TSPEAR: variants seen among roughly 807,000 people sequenced by gnomAD.
The protein encoded by TSPEAR is thrombospondin type laminin G domain and EAR repeats.
Under a neutral mutation model 71.6 loss-of-function variants are expected in TSPEAR, and 69 were observed. That is an observed-to-expected ratio of 0.96 (90% CI 0.79 to 1.18). The LOEUF (loss-of-function observed/expected upper bound fraction) is 1.18. TSPEAR is among the 50% of genes most tolerant of loss of function. The pLI is 0.00. For missense variants in TSPEAR, 971 were observed against 894.9 expected (o/e 1.09, Z -1.09); for synonymous variants, 402 against 387.2 (o/e 1.04, Z -0.45).
At position 44,551,632 on chromosome 21, in the gene TSPEAR, T is replaced by A. The variant is rs1569181795; in HGVS notation, c.303+16153A>T. 3 of 921,342 alleles carry A rather than the reference T, an allele frequency of 3.3e-6. No individual in the cohort carries two copies. The Admixed American group carries it at 8.5e-5, about 26-fold the overall frequency. The allele number at this position is 921,342 out of a possible 1,614,324, so 57.1% of individuals were successfully genotyped here. A position where few individuals can be genotyped will look rare whatever the true frequency, so the allele number is the denominator to read the frequency against. ...CGCCCTCCACTTCCGTGTTGGTGTT[T>A]GGAGCCGGGAGGACCCTCATTATTT... On this transcript the variant is annotated intron_variant, in intron 2 of 11. Coordinates refer to ENST00000323084, the MANE Select transcript of TSPEAR (RefSeq NM_144991.3).
chr21:44,540,518 C>T (rs1217673531), intron 2 of TSPEAR, among the ~76,000 whole-genome samples: 1 of 152,128 alleles, frequency 6.6e-6, no homozygotes, highest in East Asian at 1.9e-4. Context: ...CAGGGGTGGC[C>T]CTTCAGCCTT....
rs782815911 is a variant in TSPEAR, at chr21:44,612,772, T to C, written c.83-44767A>G. On this transcript the variant is annotated intron_variant, in intron 1 of 11. Transcript: ENST00000323084. This position sits in a 1 kb window ranked among gnomAD's most constrained non-coding sequence, Gnocchi z 4.1. The stretch of plus-strand genomic sequence containing the variant: ...TGTGCCGGCCTGCCTGCTGTGTGCC[T>C]GTCCCCTCCTGTTGTGTCCCTGCCT... The C allele has an allele frequency of 3.1e-6, 5 of 1,613,076 alleles. No individual in the cohort carries two copies. The highest frequency in any genetic ancestry group is 1.3e-5 in the African/African-American group (1 of 74,680).
At chr21:44,672,548 C>T (rs782208011) in intron 1 of TSPEAR, among the ~76,000 whole-genome samples, 3 of 150,082 alleles carry the variant, frequency 2.0e-5, no homozygotes, top group Admixed American at 6.7e-5. Context: ...GCAGGCTGGG[C>T]GATAGAGCAA....
intron 1 of TSPEAR, chr21:44,591,981 A>C: frequency 6.6e-7 from 1 of 1,516,292 alleles, no homozygotes. Context: ...ACGAAGAGGA[A>C]ATCCCAGAGC....
intron 8 of TSPEAR, among the ~76,000 whole-genome samples, chr21:44,524,935 G>A (rs1372527955): frequency 6.7e-6 from 1 of 149,836 alleles, no homozygotes; most frequent in Non-Finnish European, 1.5e-5. Flanking sequence ...AGTCATTCAG[G>A]TAGTCAGTCA....
At chr21:44,624,614 G>A (rs587690321) in intron 1 of TSPEAR, among the ~76,000 whole-genome samples, 12 of 152,222 alleles carry the variant, frequency 7.9e-5, no homozygotes, top group South Asian at 2.1e-4. Flanking sequence ...TCTTCTTTCC[G>A]TTTTTTCCTT....
At chr21:44,526,642 C>T (rs925349181) in intron 7 of TSPEAR, among the ~76,000 whole-genome samples, 5 of 152,246 alleles carry the variant, frequency 3.3e-5, no homozygotes, top group African/African-American at 9.6e-5. Flanking sequence ...GGTGGGCCTC[C>T]TTGGCACATT....
At chr21:44,512,726 T>C (rs1188935636) in intron 9 of TSPEAR, among the ~76,000 whole-genome samples, 1 of 152,012 alleles carries the variant, frequency 6.6e-6, no homozygotes, top group Non-Finnish European at 1.5e-5. Flanking sequence ...TTGAGTTGCA[T>C]CTTGGTTGGA....
At chr21:44,677,308 T>C (rs1467224116) in intron 1 of TSPEAR, 1 of 926,680 alleles carries the variant, frequency 1.1e-6, no homozygotes, top group East Asian at 2.4e-5. Context: ...GTGTGCCACT[T>C]AGCAGACTTC....
At chr21:44,604,572 C>A (rs1244207029) in intron 1 of TSPEAR, among the ~76,000 whole-genome samples, 1 of 152,126 alleles carries the variant, frequency 6.6e-6, no homozygotes, top group African/African-American at 2.4e-5. Context: ...TATTCAGTAC[C>A]TTTTATTTCT....
intron 11 of TSPEAR, among the ~76,000 whole-genome samples, chr21:44,502,321 T>A (rs2052048214): frequency 6.6e-6 from 1 of 152,232 alleles, no homozygotes; most frequent in African/African-American, 2.4e-5. Flanking sequence ...GCAAGCTACA[T>A]AATCAATTAG....
At chr21:44,513,554 C>T (rs2052462239) in intron 9 of TSPEAR, among the ~76,000 whole-genome samples, 1 of 152,214 alleles carries the variant, frequency 6.6e-6, no homozygotes, top group Admixed American at 6.5e-5. Flanking sequence ...GGCCCTGCTG[C>T]CCTGGCACGG....
At chr21:44,557,024 T>C (rs2053543140) in intron 2 of TSPEAR, among the ~76,000 whole-genome samples, 1 of 152,296 alleles carries the variant, frequency 6.6e-6, no homozygotes, top group East Asian at 1.9e-4. Context: ...CTAGGGAGCA[T>C]GTGCCTGGTG....
intron 2 of TSPEAR, among the ~76,000 whole-genome samples, chr21:44,548,669 G>T (rs1272259460): frequency 6.6e-6 from 1 of 152,150 alleles, no homozygotes; most frequent in Admixed American, 6.5e-5. Flanking sequence ...GGGACGGTGG[G>T]TTTGTTTATT....
Position 44,612,205 on chromosome 21 carries a change from C to T in TSPEAR, c.83-44200G>A. ...TCAGCCGAGTCTCCTCCCCCAGCAC[C>T]TGCACTGGCTCCTCCTGGCAGGTGG... is the stretch of plus-strand genomic sequence containing the variant. On this transcript the variant is annotated intron_variant, in intron 1 of 11. Coordinates refer to ENST00000323084, the MANE Select transcript of TSPEAR (RefSeq NM_144991.3). The surrounding 1 kb of genome is among the most constrained non-coding windows in gnomAD (Gnocchi z 4.1). 6.2e-7 allele frequency: 1 copy of T among 1,613,976 alleles called. No individual in the cohort carries two copies. The highest frequency in any genetic ancestry group is 8.5e-7 in the Non-Finnish European group (1 of 1,179,992).
At position 44,561,557 on chromosome 21, in the gene TSPEAR, T is replaced by G. The variant is rs587762539; in HGVS notation, c.303+6228A>C. ...GAAAACTTCAGGCCAATATCCCTGATGAACACTGATGTAAAAATCCTCAAT... is the reference window on the plus strand; with the variant it reads ...GAAAACTTCAGGCCAATATCCCTGAGGAACACTGATGTAAAAATCCTCAAT... On this transcript the variant is annotated intron_variant, in intron 2 of 11. Coordinates refer to ENST00000323084, the MANE Select transcript of TSPEAR (RefSeq NM_144991.3). Among the ~76,000 whole-genome samples the G allele has an allele frequency of 2.0e-5, 3 of 152,302 alleles. No homozygotes were observed. In the South Asian group the frequency reaches 6.2e-4, roughly 32 times the overall value.
At chr21:44,613,511 GTC>G (rs1386436904) in intron 1 of TSPEAR, among the ~76,000 whole-genome samples, 1 of 152,154 alleles carries the variant, frequency 6.6e-6, no homozygotes, top group Non-Finnish European at 1.5e-5. Flanking sequence ...ACCCTACAGA[GTC>G]ACCTGCCGGG....
At position 44,504,468 on chromosome 21, in the gene TSPEAR, T is replaced by G. The variant is rs191223293; in HGVS notation, c.1856+312A>C. Among the ~76,000 whole-genome samples, 339 of 89,164 alleles carry G rather than the reference T, an allele frequency of 3.8e-3. 2 individuals are homozygous for G. Among genetic ancestry groups the G allele is most frequent in the African/African-American group, 0.011 (252 of 22,660 alleles). 58.5% of individuals were successfully genotyped at this position (89,164 alleles called of 152,430 possible). The stretch of plus-strand genomic sequence containing the variant: ...GCCCACAGTGGGGAAGCAAGGCTCT[T>G]GGAGGAGGCCGGCCTCGGTGAGCCC... On this transcript the variant is annotated intron_variant, in intron 11 of 11. Coordinates refer to ENST00000323084, the MANE Select transcript of TSPEAR (RefSeq NM_144991.3).
rs1440874891 is a variant in TSPEAR, at chr21:44,498,776, C to A, written c.*1007G>T. 6.6e-6 allele frequency: 1 copy of A among 152,178 alleles called. No homozygotes were observed. Among genetic ancestry groups the A allele is most frequent in the Non-Finnish European group, 1.5e-5 (1 of 68,268 alleles). 9.4% of individuals were successfully genotyped at this position (152,178 alleles called of 1,614,324 possible). On this transcript the variant is annotated 3_prime_UTR_variant, in exon 12 of 12. Coordinates refer to ENST00000323084, the MANE Select transcript of TSPEAR (RefSeq NM_144991.3). The stretch of plus-strand genomic sequence containing the variant: ...ACCGTGGCAGGTGTGGTCTGGGCTG[C>A]GTGGCCCCGGAGCCTGCTGTCTGAG...
Sources: gnomAD v4.1 joint callset for allele counts (sites outside exome capture counted in the v4.1 genomes callset) on GRCh38, gnomAD v4.1.1 for gene constraint, Gnocchi (gnomAD v3.1) non-coding constraint, MANE v1.5 for transcripts, NCBI Gene and HGNC (gene_info 2026-07-23, HGNC 2026-07-21) for gene names.